The following SUGCT variants were observed in gnomAD, a reference collection of about 807,000 sequenced individuals.
SUGCT encodes succinyl-CoA:glutarate CoA-transferase.
In SUGCT, 41 loss-of-function variants were observed where a neutral mutation model predicts 55.0. The observed-to-expected ratio is 0.74, with a 90% CI of 0.58 to 0.97. The LOEUF (loss-of-function observed/expected upper bound fraction) is 0.97. Ranked by LOEUF, SUGCT falls within the 50% of genes least tolerant of loss-of-function variation. SUGCT has a pLI of 0.00. For synonymous variants in SUGCT, 187 were observed against 200.4 expected, an observed-to-expected ratio of 0.93 and a Z score of 0.56; for missense variants, 568 against 547.8, an observed-to-expected ratio of 1.04 and a Z score of -0.37.
intron 6 of SUGCT, among the ~76,000 whole-genome samples, chr7:40,206,128 C>T (rs1433574553): frequency 1.3e-5 from 2 of 152,154 alleles, no homozygotes; most frequent in African/African-American, 4.8e-5. Context: ...GCCAGATAAA[C>T]ATGCCAGGAC....
chr7:40,911,621 C>G, the SUGCT span, among the ~76,000 whole-genome samples: 1 of 150,406 alleles, frequency 6.6e-6, no homozygotes, highest in East Asian at 2.0e-4. Context: ...CCAGATAATT[C>G]TTTGTTGTGG....
chr7:40,886,431 G>T, the SUGCT span, among the ~76,000 whole-genome samples: 2 of 152,178 alleles, frequency 1.3e-5, no homozygotes, highest in Non-Finnish European at 2.9e-5. Flanking sequence ...GGGTATTCAT[G>T]AGTTGACATT....
the SUGCT span, among the ~76,000 whole-genome samples, chr7:40,910,994 G>A: frequency 6.6e-6 from 1 of 152,076 alleles, no homozygotes; most frequent in Non-Finnish European, 1.5e-5. Flanking sequence ...GAAGGAGGAG[G>A]TTCTGATAAT....
At chr7:40,448,219 TCCC>T (rs1788955800) in intron 9 of SUGCT, among the ~76,000 whole-genome samples, 1 of 86,014 alleles carries the variant, frequency 1.2e-5, no homozygotes, top group Non-Finnish European at 2.4e-5. Flanking sequence ...CCCAGTTCCC[TCCC>T]TCCCTCCCTC....
chr7:40,602,174 A>G (rs770392071), intron 12 of SUGCT, among the ~76,000 whole-genome samples: 6 of 152,158 alleles, frequency 3.9e-5, no homozygotes, highest in Non-Finnish European at 7.3e-5. Context: ...CCCTCAAACC[A>G]TGGTTATATA....
intron 13 of SUGCT, among the ~76,000 whole-genome samples, chr7:40,801,351 G>A (rs538606381): frequency 6.6e-6 from 1 of 152,186 alleles, no homozygotes; most frequent in African/African-American, 2.4e-5. Context: ...CATCTTGTGG[G>A]GGGGAGGTCT....
chr7:40,187,243 C>T (rs189050883), intron 3 of SUGCT, among the ~76,000 whole-genome samples: 3 of 152,152 alleles, frequency 2.0e-5, no homozygotes, highest in African/African-American at 4.8e-5. Context: ...AATGAGAACA[C>T]ATGGACACAG....
intron 13 of SUGCT, among the ~76,000 whole-genome samples, chr7:40,793,663 A>G (rs1482392642): frequency 2.0e-5 from 3 of 152,024 alleles, no homozygotes; most frequent in African/African-American, 4.8e-5. Flanking sequence ...TATCTTGTTT[A>G]TAATTTGTTT....
intron 11 of SUGCT, among the ~76,000 whole-genome samples, chr7:40,461,370 A>C (rs1241033711): frequency 6.6e-6 from 1 of 152,142 alleles, no homozygotes; most frequent in South Asian, 2.1e-4. Flanking sequence ...TGTCTTCCAT[A>C]ATCTGACATC....
At chr7:40,577,848 T>C (rs1232596650) in intron 12 of SUGCT, among the ~76,000 whole-genome samples, 2 of 152,250 alleles carry the variant, frequency 1.3e-5, no homozygotes, top group Non-Finnish European at 2.9e-5. Context: ...TGCTTTTGAT[T>C]GTTTAAAAAC....
At chr7:40,684,129 C>T (rs906600978) in intron 12 of SUGCT, 2 of 1,607,518 alleles carry the variant, frequency 1.2e-6, no homozygotes, top group Middle Eastern at 1.7e-4. Flanking sequence ...CAAGGATCAG[C>T]AAGGGTGAGT....
chr7:40,956,089 C>T, the SUGCT span, among the ~76,000 whole-genome samples: 1 of 152,138 alleles, frequency 6.6e-6, no homozygotes, highest in South Asian at 2.1e-4. Flanking sequence ...CTGAAATTTT[C>T]TTTTTTTGTT....
At chr7:40,846,818 A>G (rs1793579643) in intron 13 of SUGCT, among the ~76,000 whole-genome samples, 1 of 152,216 alleles carries the variant, frequency 6.6e-6, no homozygotes, top group African/African-American at 2.4e-5. Context: ...CCTAAGTTCT[A>G]ATGAAATTCT....
At chr7:41,034,157 T>G in the SUGCT span, among the ~76,000 whole-genome samples, 2 of 152,138 alleles carry the variant, frequency 1.3e-5, no homozygotes, top group African/African-American at 4.8e-5. Flanking sequence ...TTAATTATAC[T>G]TGTCATGGTG....
chr7:40,359,955 A>G (rs1007250385), intron 9 of SUGCT, among the ~76,000 whole-genome samples: 6 of 152,194 alleles, frequency 3.9e-5, no homozygotes, highest in African/African-American at 1.2e-4. Context: ...AATGTTAGAG[A>G]AATGACCTGC....
chr7:40,430,479 C>T (rs145005477), intron 9 of SUGCT, among the ~76,000 whole-genome samples: 3 of 152,094 alleles, frequency 2.0e-5, no homozygotes, highest in Non-Finnish European at 4.4e-5. Flanking sequence ...TAGAGAAATA[C>T]CTGTTCAAGC....
intron 12 of SUGCT, among the ~76,000 whole-genome samples, chr7:40,546,107 C>A (rs973266019): frequency 7.9e-5 from 12 of 152,164 alleles, no homozygotes; most frequent in African/African-American, 2.9e-4. Context: ...TAACAACACT[C>A]TTTCCTCCTG....
chr7:40,883,385 C>T, the SUGCT span, among the ~76,000 whole-genome samples: 41,413 of 151,972 alleles, frequency 0.27, 7,589 homozygotes, highest in East Asian at 0.81. Context: ...TGGGACTCTT[C>T]GAGTTTCTTT....
chr7:40,250,808 G>C (rs1003391172), intron 7 of SUGCT, among the ~76,000 whole-genome samples: 2 of 141,746 alleles, frequency 1.4e-5, no homozygotes, highest in Non-Finnish European at 3.0e-5. Flanking sequence ...CCCTTAAGAT[G>C]TTGAAGTCAT....
Sources: gnomAD v4.1 joint callset for allele counts (sites outside exome capture counted in the v4.1 genomes callset) on GRCh38, gnomAD v4.1.1 for gene constraint, MANE v1.5 for transcripts, NCBI Gene and HGNC (gene_info 2026-07-23, HGNC 2026-07-21) for gene names.